The following MTRF1 variants were observed in gnomAD, a reference collection of about 807,000 sequenced individuals.
MTRF1 encodes the protein mitochondrial translation release factor 1, also known as peptide chain release factor 1, mitochondrial.
MTRF1 carries 51 observed loss-of-function variants against 62.9 expected under a neutral mutation model. The observed-to-expected ratio is 0.81, with a 90% CI of 0.65 to 1.02. The LOEUF (loss-of-function observed/expected upper bound fraction) is 1.02, where lower values mean the gene tolerates loss of function less well. MTRF1 is among the 50% of genes least tolerant of loss of function. MTRF1 has a pLI of 0.00. For synonymous variants in MTRF1, 158 were observed against 181.9 expected (o/e 0.87, Z 1.06); for missense variants, 446 against 530.0 (o/e 0.84, Z 1.56).
the MTRF1 span, among the ~76,000 whole-genome samples, chr13:41,284,470 G>T: frequency 6.9e-6 from 1 of 144,990 alleles, no homozygotes; most frequent in Non-Finnish European, 1.5e-5. Context: ...ATGACACTCT[G>T]TCTCAAAAAA....
At chr13:41,269,185 G>GTTTTTTTTTTTTTTTGTTTTTTTTTTTT in the MTRF1 span, among the ~76,000 whole-genome samples, 1 of 96,464 alleles carries the variant, frequency 1.0e-5, no homozygotes, top group Non-Finnish European at 1.9e-5. Context: ...CTTTTACCTT[G>GTTTTTTTTTTTTTTTGTTTTTTTTTTTT]TTTTTTTTTT....
chr13:41,294,753 C>T, the MTRF1 span, among the ~76,000 whole-genome samples: 101 of 152,034 alleles, frequency 6.6e-4, 1 homozygote, highest in African/African-American at 1.8e-3. Flanking sequence ...TGTCAGAGTA[C>T]GTTGTGATAA....
intron 5 of MTRF1, among the ~76,000 whole-genome samples, chr13:41,241,301 C>A (rs942360510): frequency 6.6e-6 from 1 of 152,156 alleles, no homozygotes; most frequent in African/African-American, 2.4e-5. Flanking sequence ...GCGTTGGGGT[C>A]CCAAAGTGCT....
At position 41,233,892 on chromosome 13, in the gene MTRF1, G is replaced by T. The variant is rs568373278; in HGVS notation, c.986C>A (p.Thr329Lys). ...ACAAAGCCAAGGGGCTTGCTTACCT[G>T]TGGGGATGTGGACAAGTCTGACGGC... is the stretch of plus-strand genomic sequence containing the variant. ...DSAVRLVHIP[T>K]GLVVECQQER... Residue 329 changes from threonine (T) to lysine (K), a missense_variant and splice_region_variant, in exon 7 of 10, where the codon ACA becomes AAA. Thr to Lys is a moderately conservative substitution (Grantham distance 78). Transcript: ENST00000379480. 2.2e-5 allele frequency: 36 copies of T among 1,609,376 alleles called. No homozygotes were observed. The highest frequency in any genetic ancestry group is 2.9e-5 in the Non-Finnish European group (34 of 1,175,772).
chr13:41,258,575 C>CAAAAAAAAAAAAAAAAA (rs11320576), intron 2 of MTRF1, among the ~76,000 whole-genome samples: 1 of 133,114 alleles, frequency 7.5e-6, no homozygotes, highest in Non-Finnish European at 1.6e-5. Flanking sequence ...AAAAAAAAAA[C>CAAAAAAAAAAAAAAAAA]AAAAAAAAAA....
the MTRF1 span, among the ~76,000 whole-genome samples, chr13:41,277,193 G>A: frequency 5.4e-3 from 821 of 151,340 alleles, 5 homozygotes; most frequent in African/African-American, 0.019. Context: ...GTGCAGTGGT[G>A]CAATTTTTGG....
the MTRF1 span, chr13:41,287,726 G>T: frequency 1.1e-5 from 2 of 176,028 alleles, no homozygotes; most frequent in South Asian, 2.9e-4. Context: ...GGCTAAGAAT[G>T]AGAGGCTCAG....
chr13:41,218,347 C>T (rs2032399718), intron 9 of MTRF1, among the ~76,000 whole-genome samples: 1 of 139,842 alleles, frequency 7.2e-6, no homozygotes, highest in South Asian at 2.2e-4. Context: ...CCAGGATGGT[C>T]TCCTGAGCTC....
chr13:41,247,157 A>G (rs1815678143), intron 5 of MTRF1, among the ~76,000 whole-genome samples: 1 of 152,242 alleles, frequency 6.6e-6, no homozygotes, highest in African/African-American at 2.4e-5. Context: ...CAGTGTTGAC[A>G]TGCAGCTGTC....
intron 8 of MTRF1, among the ~76,000 whole-genome samples, chr13:41,225,240 G>A (rs907047468): frequency 3.0e-4 from 45 of 149,218 alleles, no homozygotes; most frequent in Admixed American, 1.3e-4. Context: ...TTTGTGCAAC[G>A]CCTGGTGCCA....
the MTRF1 span, among the ~76,000 whole-genome samples, chr13:41,290,607 C>A: frequency 2.6e-3 from 352 of 137,042 alleles, no homozygotes; most frequent in Middle Eastern, 0.054. Flanking sequence ...GTTGGCCAGG[C>A]TGGTCTCGAA....
chr13:41,253,912 G>C (rs1204225702), intron 3 of MTRF1, among the ~76,000 whole-genome samples: 1 of 152,218 alleles, frequency 6.6e-6, no homozygotes, highest in Non-Finnish European at 1.5e-5. Flanking sequence ...AAACGTGACA[G>C]AGGGAAACAT....
Position 41,260,448 on chromosome 13 carries a change from T to C in MTRF1, c.415+45A>G, listed in dbSNP as rs746004657. On this transcript the variant is annotated intron_variant, in intron 2 of 9. Coordinates refer to ENST00000379480, the MANE Select transcript of MTRF1 (RefSeq NM_004294.4). Reference sequence around the variant, plus strand: ...ACACGCATATAAGTGTGTGGTTTTTTTTTTCATAGCCCTTATGCAGGACAC... The same window carrying C: ...ACACGCATATAAGTGTGTGGTTTTTCTTTTCATAGCCCTTATGCAGGACAC... 1.8e-5 allele frequency: 28 copies of C among 1,517,658 alleles called. 1 individual carries two copies. In the Middle Eastern group the frequency reaches 5.3e-4, roughly 29 times the overall value. 94.0% of individuals were successfully genotyped at this position (1,517,658 alleles called of 1,614,324 possible). A position where few individuals can be genotyped will look rare whatever the true frequency, so the allele number is the denominator to read the frequency against.
chr13:41,269,277 G>A, the MTRF1 span, among the ~76,000 whole-genome samples: 1 of 129,796 alleles, frequency 7.7e-6, no homozygotes, highest in Non-Finnish European at 1.5e-5. Flanking sequence ...TCGGCTCACT[G>A]CAACCTCTGC....
chr13:41,260,940 T>TA (rs3215932), intron 1 of MTRF1, 25 bp from the exon 2 acceptor site: 942,386 of 1,407,260 alleles, frequency 0.67, 304,817 homozygotes, highest in African/African-American at 0.73. Flanking sequence ...ACACAGTCTT[T>TA]AAAAAAAAAT....
the MTRF1 span, among the ~76,000 whole-genome samples, chr13:41,311,958 C>T: frequency 7.9e-5 from 12 of 152,230 alleles, no homozygotes; most frequent in African/African-American, 2.7e-4. Context: ...GTTTATTTTG[C>T]CAGTCTCTCC....
the MTRF1 span, among the ~76,000 whole-genome samples, chr13:41,278,367 C>T: frequency 4.6e-5 from 7 of 152,116 alleles, no homozygotes; most frequent in Non-Finnish European, 7.4e-5. Flanking sequence ...GGAGTGGGCC[C>T]AAGCATAGGG....
At chr13:41,264,002 A>C (rs1170750175), upstream of MTRF1, among the ~76,000 whole-genome samples, 1 of 152,232 alleles carries the variant, frequency 6.6e-6, no homozygotes, top group Non-Finnish European at 1.5e-5. Context: ...ATTCTGATTA[A>C]GAGATCAAGA....
intron 5 of MTRF1, among the ~76,000 whole-genome samples, chr13:41,242,347 T>C (rs191643546): frequency 6.6e-6 from 1 of 152,342 alleles, no homozygotes; most frequent in East Asian, 1.9e-4. Flanking sequence ...GTATGGGACA[T>C]GCCCCATTTG....
Sources: gnomAD v4.1 joint callset for allele counts (sites outside exome capture counted in the v4.1 genomes callset) on GRCh38, gnomAD v4.1.1 for gene constraint, MANE v1.5 for transcripts, NCBI Gene and HGNC (gene_info 2026-07-23, HGNC 2026-07-21) for gene names.